The following RBPMS variants were observed in gnomAD, a reference collection of about 807,000 sequenced individuals.
RBPMS encodes RNA binding protein, mRNA processing factor, also known as RNA-binding protein with multiple splicing.
In RBPMS, 7 loss-of-function variants were observed where a neutral mutation model predicts 26.8. The observed-to-expected ratio is 0.26, with a 90% CI of 0.15 to 0.49. The LOEUF is 0.49. Ranked by LOEUF, RBPMS falls within the 20% of genes least tolerant of loss-of-function variation. The pLI, the probability that RBPMS is intolerant of heterozygous loss-of-function variation, is 0.98. For synonymous variants in RBPMS, 96 were observed against 93.3 expected, an observed-to-expected ratio of 1.03 and a Z score of -0.17; for missense variants, 186 against 250.0, an observed-to-expected ratio of 0.74 and a Z score of 1.73.
intron 1 of RBPMS, among the ~76,000 whole-genome samples, chr8:30,432,864 A>G (rs1812080385): frequency 6.6e-6 from 1 of 152,262 alleles, no homozygotes; most frequent in Admixed American, 6.5e-5. Flanking sequence ...AAATTGCAAC[A>G]TAAGGAAGCA....
intron 6 of RBPMS, among the ~76,000 whole-genome samples, chr8:30,557,749 C>T (rs540520071): frequency 7.2e-5 from 11 of 152,354 alleles, no homozygotes; most frequent in Non-Finnish European, 1.2e-4. Context: ...GAGACCATGC[C>T]GCCTCCATGT....
intron 5 of RBPMS, among the ~76,000 whole-genome samples, chr8:30,542,057 G>T (rs951560656): frequency 6.6e-6 from 1 of 152,140 alleles, no homozygotes; most frequent in Non-Finnish European, 1.5e-5. Flanking sequence ...TTCATGATGG[G>T]AGAAGGGAGA....
chr8:30,479,171 T>A (rs1818017931), intron 3 of RBPMS, 144 bp from the exon 4 acceptor site: 1 of 648,418 alleles, frequency 1.5e-6, no homozygotes, highest in African/African-American at 1.8e-5. Context: ...TGAGTCATGA[T>A]TCTTCGGGAC....
intron 5 of RBPMS, among the ~76,000 whole-genome samples, chr8:30,505,828 C>T (rs1292214431): frequency 1.3e-5 from 2 of 152,118 alleles, no homozygotes; most frequent in African/African-American, 4.8e-5. Flanking sequence ...TGCCTCTTCT[C>T]TCTGAAATTT....
At chr8:30,561,467 G>A (rs955125588) in intron 7 of RBPMS, among the ~76,000 whole-genome samples, 2 of 152,150 alleles carry the variant, frequency 1.3e-5, no homozygotes, top group African/African-American at 4.8e-5. Flanking sequence ...AGGGTGTTCA[G>A]CTAGAGGTGC....
At chr8:30,416,112 C>A (rs762647463) in intron 1 of RBPMS, among the ~76,000 whole-genome samples, 1 of 152,112 alleles carries the variant, frequency 6.6e-6, no homozygotes, top group Non-Finnish European at 1.5e-5. Flanking sequence ...TATACCCTAG[C>A]GATGTTCCCT....
chr8:30,461,001 C>T (rs986700335), intron 1 of RBPMS, among the ~76,000 whole-genome samples: 4 of 149,756 alleles, frequency 2.7e-5, no homozygotes, highest in African/African-American at 4.9e-5. Context: ...TGTAGTGAGC[C>T]GAGATCACAC....
intron 1 of RBPMS, among the ~76,000 whole-genome samples, chr8:30,385,744 C>T (rs762342687): frequency 6.6e-6 from 1 of 152,122 alleles, no homozygotes; most frequent in Non-Finnish European, 1.5e-5. Flanking sequence ...TTTTAGGGGC[C>T]GTGCAGCTGA....
At chr8:30,486,826 A>G (rs1818845490) in intron 4 of RBPMS, among the ~76,000 whole-genome samples, 2 of 152,182 alleles carry the variant, frequency 1.3e-5, no homozygotes, top group Non-Finnish European at 2.9e-5. Flanking sequence ...TAGGTAAAAC[A>G]TTTCCATCAG....
chr8:30,502,309 G>A (rs1238491928), intron 4 of RBPMS, among the ~76,000 whole-genome samples: 5 of 152,266 alleles, frequency 3.3e-5, no homozygotes, highest in Non-Finnish European at 5.9e-5. Context: ...TGTGTAAGAG[G>A]CAAACACATG....
intron 1 of RBPMS, among the ~76,000 whole-genome samples, chr8:30,466,320 T>A (rs1176834964): frequency 6.6e-6 from 1 of 152,178 alleles, no homozygotes; most frequent in Non-Finnish European, 1.5e-5. Context: ...GGCTAAGGTA[T>A]GAAGATCACT....
intron 5 of RBPMS, among the ~76,000 whole-genome samples, chr8:30,523,431 C>T (rs977130823): frequency 2.0e-5 from 3 of 151,256 alleles, no homozygotes; most frequent in Non-Finnish European, 4.4e-5. Context: ...TTTTACCTCA[C>T]TGAGCTGTAA....
intron 4 of RBPMS, among the ~76,000 whole-genome samples, chr8:30,495,793 T>C (rs563158931): frequency 1.3e-5 from 2 of 152,292 alleles, no homozygotes; most frequent in Admixed American, 6.5e-5. Flanking sequence ...TCATTCTCTG[T>C]TGGAATCCAT....
intron 5 of RBPMS, among the ~76,000 whole-genome samples, chr8:30,535,302 C>T (rs1356068874): frequency 1.3e-5 from 2 of 152,024 alleles, no homozygotes; most frequent in African/African-American, 4.8e-5. Context: ...GTTCTGTGTG[C>T]CAGACATATG....
chr8:30,529,474 C>G (rs1196433341), intron 5 of RBPMS, among the ~76,000 whole-genome samples: 1 of 151,840 alleles, frequency 6.6e-6, no homozygotes, highest in Non-Finnish European at 1.5e-5. Flanking sequence ...TGCACTCCAG[C>G]CTGAGCAACA....
chr8:30,490,926 C>A (rs1158896994), intron 4 of RBPMS, among the ~76,000 whole-genome samples: 3 of 152,184 alleles, frequency 2.0e-5, no homozygotes, highest in Non-Finnish European at 2.9e-5. Context: ...TTGCAGTGAA[C>A]TTCCTAAGTT....
intron 6 of RBPMS, chr8:30,545,366 C>T (rs1384791461): frequency 7.8e-6 from 9 of 1,147,950 alleles, no homozygotes; most frequent in Middle Eastern, 3.7e-4. Context: ...CTTAGCTTCG[C>T]TTTTAGTGCA....
intron 1 of RBPMS, among the ~76,000 whole-genome samples, chr8:30,428,379 C>G (rs1478475988): frequency 6.6e-6 from 1 of 151,720 alleles, no homozygotes; most frequent in Non-Finnish European, 1.5e-5. Flanking sequence ...TCGCTTGAGC[C>G]AAGGAGTTGG....
intron 8 of RBPMS, among the ~76,000 whole-genome samples, chr8:30,570,306 C>T (rs528015403): frequency 2.0e-5 from 3 of 152,208 alleles, no homozygotes; most frequent in Non-Finnish European, 4.4e-5. Flanking sequence ...CTTCTGCATA[C>T]ACCTTTTCTA....
Sources: allele counts gnomAD v4.1 joint callset (sites outside exome capture counted in the v4.1 genomes callset), GRCh38; gene constraint gnomAD v4.1.1; transcripts MANE v1.5; gene names NCBI Gene and HGNC (gene_info 2026-07-23, HGNC 2026-07-21).